Variants in NFIB observed in about 807,000 individuals in gnomAD.
The protein encoded by NFIB is nuclear factor I B, also known as nuclear factor 1 B-type.
Under a neutral mutation model 61.5 loss-of-function variants are expected in NFIB, and 11 were observed. The observed-to-expected ratio is 0.18, with a 90% CI of 0.11 to 0.30. The LOEUF (loss-of-function observed/expected upper bound fraction) is 0.30, where lower values mean the gene tolerates loss of function less well. NFIB is among the 10% of genes least tolerant of loss of function. The pLI is 1.00. For synonymous variants in NFIB, 260 were observed against 216.5 expected (o/e 1.20, Z -1.76); for missense variants, 471 against 608.9 (o/e 0.77, Z 2.38).
chr9:14,194,901 A>C (rs529673423), intron 2 of NFIB, among the ~76,000 whole-genome samples: 23 of 152,216 alleles, frequency 1.5e-4, no homozygotes, highest in African/African-American at 4.8e-4. Flanking sequence ...ACGTATTAGG[A>C]AATTATTTTT....
intron 2 of NFIB, among the ~76,000 whole-genome samples, chr9:14,233,850 T>C (rs529179381): frequency 1.3e-5 from 2 of 152,374 alleles, no homozygotes; most frequent in South Asian, 4.1e-4. Context: ...AATTCTAGTC[T>C]ATCAATTTTG....
At chr9:14,402,852 A>T (rs2061755720), upstream of NFIB, among the ~76,000 whole-genome samples, 1 of 152,192 alleles carries the variant, frequency 6.6e-6, no homozygotes, top group Non-Finnish European at 1.5e-5. Flanking sequence ...TCAGAAATTT[A>T]AAAAATAATA....
intron 4 of NFIB, among the ~76,000 whole-genome samples, 194 bp downstream of exon 4, chr9:14,155,631 A>G (rs1368271049): frequency 2.6e-5 from 4 of 152,208 alleles, no homozygotes; most frequent in Admixed American, 2.6e-4. Context: ...TTGTACAACA[A>G]AAAGTTTTGA....
chr9:14,460,640 T>C, the NFIB span, among the ~76,000 whole-genome samples: 1 of 152,230 alleles, frequency 6.6e-6, no homozygotes, highest in East Asian at 1.9e-4. Context: ...TCATATTCTA[T>C]GTATAGACCT....
chr9:14,274,774 T>C lies in NFIB; in HGVS notation c.562+32215A>G, dbSNP rs538432596. Among the ~76,000 whole-genome samples the C allele has an allele frequency of 1.8e-3, 267 of 152,310 alleles. 1 individual carries two copies. Among genetic ancestry groups the C allele is most frequent in the Middle Eastern group, 0.01 (3 of 294 alleles). On this transcript the variant is annotated intron_variant, in intron 2 of 10. Transcript: ENST00000380953. ...ATTAAAGACAAAAGAATTATCTCTT[T>C]TAAAAATTGGGGCCTACTGTGCTCT...
At chr9:14,407,271 G>A in the NFIB span, among the ~76,000 whole-genome samples, 1 of 152,178 alleles carries the variant, frequency 6.6e-6, no homozygotes, top group African/African-American at 2.4e-5. Flanking sequence ...AACTGGAAGA[G>A]CCAGTTTAAT....
intron 2 of NFIB, among the ~76,000 whole-genome samples, chr9:14,283,615 T>C (rs1222752654): frequency 1.3e-5 from 2 of 152,218 alleles, no homozygotes; most frequent in South Asian, 2.1e-4. Flanking sequence ...CTCAAGTTGA[T>C]TTGGCCTGAG....
At chr9:14,198,973 C>T (rs898434351) in intron 2 of NFIB, among the ~76,000 whole-genome samples, 1 of 152,188 alleles carries the variant, frequency 6.6e-6, no homozygotes, top group Non-Finnish European at 1.5e-5. Flanking sequence ...CCACACTGAA[C>T]CATTCTGAAC....
chr9:14,161,172 G>T (rs1191401280), intron 3 of NFIB, among the ~76,000 whole-genome samples: 1 of 152,138 alleles, frequency 6.6e-6, no homozygotes, highest in Admixed American at 6.6e-5. Flanking sequence ...ACAGGACATA[G>T]TTCTATCTTC....
intron 5 of NFIB, among the ~76,000 whole-genome samples, chr9:14,148,757 T>C (rs1437067868): frequency 6.6e-6 from 1 of 152,202 alleles, no homozygotes; most frequent in African/African-American, 2.4e-5. Context: ...TAGATACTCA[T>C]GATTAATATT....
intron 8 of NFIB, among the ~76,000 whole-genome samples, chr9:14,116,976 T>C (rs2038235975): frequency 6.6e-6 from 1 of 152,244 alleles, no homozygotes; most frequent in Non-Finnish European, 1.5e-5. Context: ...GGTCAACTTT[T>C]GATGATTTAC....
the NFIB span, among the ~76,000 whole-genome samples, chr9:14,488,064 G>C: frequency 6.6e-6 from 1 of 152,102 alleles, no homozygotes; most frequent in African/African-American, 2.4e-5. Flanking sequence ...AAATGTATCT[G>C]GATTTTAACT....
In NFIB at chr9:14,102,422, C is replaced by A. The variant is rs774847501; in HGVS notation, c.1467+10577G>T. 1.9e-6 allele frequency: 3 copies of A among 1,549,364 alleles called. No individual in the cohort carries two copies. In the Middle Eastern group the frequency reaches 5.0e-4, roughly 259 times the overall value. ...GGGTTGGAAATAATTAAAATGTTAC[C>A]TTTGCCAAGTAATTCCCAATGTATC... On this transcript the variant is annotated intron_variant, in intron 10 of 10. Coordinates refer to ENST00000380953, the MANE Select transcript of NFIB (RefSeq NM_001190737.2).
At chr9:14,226,780 G>A (rs992172624) in intron 2 of NFIB, among the ~76,000 whole-genome samples, 3 of 151,878 alleles carry the variant, frequency 2.0e-5, no homozygotes, top group Non-Finnish European at 4.4e-5. Context: ...CACCTTTTTT[G>A]TTTGGATTCC....
chr9:14,106,812 T>G (rs1274569991), intron 10 of NFIB, among the ~76,000 whole-genome samples: 1 of 152,066 alleles, frequency 6.6e-6, no homozygotes, highest in African/African-American at 2.4e-5. Flanking sequence ...CAATTAGCTT[T>G]GGGAACAAAA....
At chr9:14,276,682 A>T (rs1052389563) in intron 2 of NFIB, among the ~76,000 whole-genome samples, 3 of 152,122 alleles carry the variant, frequency 2.0e-5, no homozygotes, top group African/African-American at 7.2e-5. Context: ...AGGTTCCTGC[A>T]ATATTTAAAT....
chr9:14,438,377 C>T, the NFIB span, among the ~76,000 whole-genome samples: 180 of 152,248 alleles, frequency 1.2e-3, no homozygotes, highest in African/African-American at 4.2e-3. Context: ...ATCAGAAAAT[C>T]GTTGATCCTG....
At chr9:14,253,201 T>G (rs1266603102) in intron 2 of NFIB, among the ~76,000 whole-genome samples, 2 of 152,236 alleles carry the variant, frequency 1.3e-5, no homozygotes, top group Non-Finnish European at 2.9e-5. Flanking sequence ...TCAACATGTC[T>G]TTTGTCCTGG....
chr9:14,355,686 G>T (rs1055137824), intron 1 of NFIB, among the ~76,000 whole-genome samples: 6 of 152,254 alleles, frequency 3.9e-5, no homozygotes, highest in African/African-American at 1.4e-4. Flanking sequence ...GCCGGCTGCA[G>T]TGGCTCACGC....
Sources: gnomAD v4.1 joint callset for allele counts (sites outside exome capture counted in the v4.1 genomes callset) on GRCh38, gnomAD v4.1.1 for gene constraint, MANE v1.5 for transcripts, NCBI Gene and HGNC (gene_info 2026-07-23, HGNC 2026-07-21) for gene names.